Variants in CYTH3 observed in about 807,000 individuals in gnomAD.
CYTH3 encodes the protein cytohesin-3.
Under a neutral mutation model 55.1 loss-of-function variants are expected in CYTH3, and 23 were observed. That is an observed-to-expected ratio of 0.42 (90% CI 0.30 to 0.59). The LOEUF (loss-of-function observed/expected upper bound fraction) is 0.59, where lower values mean the gene tolerates loss of function less well. CYTH3 is among the 20% of genes least tolerant of loss of function. The pLI is 0.20. For synonymous variants in CYTH3, 249 were observed against 194.9 expected, an observed-to-expected ratio of 1.28 and a Z score of -2.31; for missense variants, 413 against 524.8, an observed-to-expected ratio of 0.79 and a Z score of 2.08.
At chr7:6,236,889 C>T (rs1386054742) in intron 1 of CYTH3, among the ~76,000 whole-genome samples, 2 of 152,156 alleles carry the variant, frequency 1.3e-5, no homozygotes, top group African/African-American at 2.4e-5. Flanking sequence ...GACAGTGTAC[C>T]TGTTACATAT....
intron 1 of CYTH3, among the ~76,000 whole-genome samples, chr7:6,198,121 A>C (rs1457828964): frequency 6.6e-6 from 1 of 152,138 alleles, no homozygotes. Flanking sequence ...GGAAAAAAAA[A>C]ACTTTCAGGT....
chr7:6,218,166 G>A (rs1033765859), intron 1 of CYTH3, among the ~76,000 whole-genome samples: 1 of 152,170 alleles, frequency 6.6e-6, no homozygotes, highest in Non-Finnish European at 1.5e-5. Flanking sequence ...AACAGAGCCA[G>A]ACCCTATCTC....
chr7:6,200,033 A>G (rs1784023315), intron 1 of CYTH3, among the ~76,000 whole-genome samples: 1 of 152,230 alleles, frequency 6.6e-6, no homozygotes, highest in Admixed American at 6.5e-5. Context: ...AATAAAATCT[A>G]AGAGCCCATC....
chr7:6,188,238 A>G (rs1436647033), intron 2 of CYTH3, among the ~76,000 whole-genome samples: 1 of 151,962 alleles, frequency 6.6e-6, no homozygotes, highest in South Asian at 2.1e-4. Context: ...GAGGCTGAGG[A>G]GGGAGGACTG....
intron 1 of CYTH3, among the ~76,000 whole-genome samples, chr7:6,249,140 G>T (rs1237683344): frequency 6.6e-6 from 1 of 152,156 alleles, no homozygotes; most frequent in Non-Finnish European, 1.5e-5. Context: ...TTGCGTGTAG[G>T]TAACTTTTCT....
At chr7:6,175,809 A>C (rs1319456148) in intron 5 of CYTH3, among the ~76,000 whole-genome samples, 1 of 152,000 alleles carries the variant, frequency 6.6e-6, no homozygotes, top group Non-Finnish European at 1.5e-5. Flanking sequence ...AGCCTCCCAA[A>C]ATGCTGGGAT....
At chr7:6,192,151 G>A (rs1783816615) in intron 1 of CYTH3, among the ~76,000 whole-genome samples, 1 of 152,164 alleles carries the variant, frequency 6.6e-6, no homozygotes, top group Non-Finnish European at 1.5e-5. Flanking sequence ...ACCACAGAGT[G>A]AAGAAGAGCT....
chr7:6,189,313 C>CTTT (rs1353882323), intron 2 of CYTH3, among the ~76,000 whole-genome samples: 2 of 151,208 alleles, frequency 1.3e-5, no homozygotes, highest in South Asian at 4.2e-4. Context: ...TTTGTCTTTA[C>CTTT]TTTTTCTTTT....
intron 6 of CYTH3, chr7:6,172,824 T>C: frequency 1.4e-5 from 18 of 1,283,166 alleles, no homozygotes; most frequent in Non-Finnish European, 1.8e-5. Flanking sequence ...TTGCGAACTC[T>C]CAGCGCACTG....
At position 6,211,551 on chromosome 7, in the gene CYTH3, T is replaced by C. The variant is rs573358664; in HGVS notation, c.35-21020A>G. 1.1e-4 allele frequency among the ~76,000 whole-genome samples: 17 copies of C among 152,324 alleles called. 1 individual carries two copies. In the South Asian group the frequency reaches 2.7e-3, roughly 24 times the overall value. On this transcript the variant is annotated intron_variant, in intron 1 of 12. Coordinates refer to ENST00000350796, the MANE Select transcript of CYTH3 (RefSeq NM_004227.4). ...CCTATAGTCCTAGACTCTTAGGAGATTGAGGCAGAAGGATCATCTGAGCTC... is the reference window on the plus strand; with the variant it reads ...CCTATAGTCCTAGACTCTTAGGAGACTGAGGCAGAAGGATCATCTGAGCTC...
At chr7:6,234,101 A>C (rs1248538103) in intron 1 of CYTH3, among the ~76,000 whole-genome samples, 1 of 152,210 alleles carries the variant, frequency 6.6e-6, no homozygotes, top group Non-Finnish European at 1.5e-5. Flanking sequence ...ATTAATATTC[A>C]ATCCATTACA....
At position 6,261,619 on chromosome 7, in the gene CYTH3, G is replaced by A. The variant is rs139648699; in HGVS notation, c.34+10855C>T. ...TAGTCCCAGCTACTTGGGAGGCTGA[G>A]GTAGGAGGATCATAGGATCATTTGA... On this transcript the variant is annotated intron_variant, in intron 1 of 12. Coordinates refer to ENST00000350796, the MANE Select transcript of CYTH3 (RefSeq NM_004227.4). Among the ~76,000 whole-genome samples, 1,392 of 149,378 alleles carry A rather than the reference G, an allele frequency of 9.3e-3. 14 individuals carry two copies. Among genetic ancestry groups the A allele is most frequent in the Non-Finnish European group, 0.016 (1,072 of 67,614 alleles).
chr7:6,212,964 CCA>C (rs1354966676), intron 1 of CYTH3, among the ~76,000 whole-genome samples: 2 of 152,242 alleles, frequency 1.3e-5, no homozygotes, highest in Non-Finnish European at 2.9e-5. Flanking sequence ...TTCCAATTTT[CCA>C]CACAGTCATC....
intron 2 of CYTH3, among the ~76,000 whole-genome samples, chr7:6,188,259 C>G (rs145275432): frequency 6.6e-6 from 1 of 151,308 alleles, no homozygotes; most frequent in Non-Finnish European, 1.5e-5. Flanking sequence ...CATGAACCCA[C>G]GAGTTTGAGG....
At chr7:6,235,982 T>C (rs976163503) in intron 1 of CYTH3, among the ~76,000 whole-genome samples, 2 of 152,214 alleles carry the variant, frequency 1.3e-5, no homozygotes, top group South Asian at 2.1e-4. Context: ...GGATTGGCTA[T>C]TGCTTAAAAA....
At chr7:6,215,102 A>G (rs966093148) in intron 1 of CYTH3, among the ~76,000 whole-genome samples, 58 of 152,218 alleles carry the variant, frequency 3.8e-4, no homozygotes, top group Non-Finnish European at 2.2e-4. Context: ...GTGTTCTGAA[A>G]GAGTACTGGT....
intron 4 of CYTH3, 68 bp downstream of exon 4, chr7:6,186,982 A>T (rs1010114121): frequency 4.6e-6 from 7 of 1,516,562 alleles, no homozygotes; most frequent in Non-Finnish European, 5.5e-6. Context: ...TCTGTCCAAA[A>T]GGGAAACGGC....
chr7:6,226,025 TAAAC>T (rs1261063180), intron 1 of CYTH3, among the ~76,000 whole-genome samples: 4 of 152,156 alleles, frequency 2.6e-5, no homozygotes, highest in African/African-American at 7.2e-5. Context: ...TTTTTGTCTT[TAAAC>T]AAAGAGAACC....
chr7:6,258,954 C>G (rs1245403582), intron 1 of CYTH3, among the ~76,000 whole-genome samples: 1 of 152,062 alleles, frequency 6.6e-6, no homozygotes, highest in African/African-American at 2.4e-5. Context: ...AAAATGAAAA[C>G]AAGATTGTTT....
Sources: gnomAD v4.1 joint callset for allele counts (sites outside exome capture counted in the v4.1 genomes callset) on GRCh38, gnomAD v4.1.1 for gene constraint, MANE v1.5 for transcripts, NCBI Gene and HGNC (gene_info 2026-07-23, HGNC 2026-07-21) for gene names.